Variants in ADGRL4 observed in about 807,000 individuals in gnomAD.
The protein encoded by ADGRL4 is adhesion G protein-coupled receptor L4.
A neutral mutation model predicts 74.8 loss-of-function variants in ADGRL4; 90 were observed. The observed-to-expected ratio is 1.20, with a 90% CI of 1.02 to 1.43. The LOEUF is 1.43. Among genes scored for constraint, ADGRL4 ranks in the 40% most tolerant of loss-of-function variants. The probability of loss-of-function intolerance (pLI) is 0.00; values close to 1 mark genes in which losing one functional copy is unlikely to be tolerated. For synonymous variants in ADGRL4, 311 were observed against 279.2 expected (o/e 1.11, Z -1.14); for missense variants, 881 against 814.3 (o/e 1.08, Z -1.00).
At chr1:78,985,966 A>C (rs949500751) in intron 2 of ADGRL4, among the ~76,000 whole-genome samples, 1 of 151,880 alleles carries the variant, frequency 6.6e-6, no homozygotes, top group Admixed American at 6.6e-5. Context: ...GTGGGAGCTA[A>C]ACATTGAGTA....
At chr1:78,916,683 G>T (rs1204902611) in intron 12 of ADGRL4, among the ~76,000 whole-genome samples, 1 of 151,732 alleles carries the variant, frequency 6.6e-6, no homozygotes, top group Non-Finnish European at 1.5e-5. Flanking sequence ...TCTCCATTTA[G>T]CAGTACCCTC....
chr1:78,984,703 A>G (rs974865318), intron 2 of ADGRL4, among the ~76,000 whole-genome samples: 1 of 151,280 alleles, frequency 6.6e-6, no homozygotes, highest in Non-Finnish European at 1.5e-5. Flanking sequence ...ACACACACAC[A>G]TATTCAATAA....
intron 2 of ADGRL4, among the ~76,000 whole-genome samples, chr1:78,995,168 G>T (rs1650689205): frequency 6.6e-6 from 1 of 152,082 alleles, no homozygotes; most frequent in South Asian, 2.1e-4. Context: ...AAAAATCATG[G>T]ATGTAACAGC....
chr1:79,003,521 G>A (rs1650885086), intron 2 of ADGRL4, among the ~76,000 whole-genome samples: 1 of 151,218 alleles, frequency 6.6e-6, no homozygotes, highest in Non-Finnish European at 1.5e-5. Flanking sequence ...TTTTTCCAAT[G>A]GAAAATATTT....
At chr1:78,901,713 A>G (rs1383435519) in intron 12 of ADGRL4, among the ~76,000 whole-genome samples, 6 of 152,316 alleles carry the variant, frequency 3.9e-5, no homozygotes, top group African/African-American at 1.4e-4. Flanking sequence ...TTGGTCACCT[A>G]TTGTCAGATT....
chr1:78,998,613 G>A (rs1650771251), intron 2 of ADGRL4, among the ~76,000 whole-genome samples: 1 of 152,056 alleles, frequency 6.6e-6, no homozygotes, highest in African/African-American at 2.4e-5. Context: ...TGACCCACCT[G>A]CCTCGGCTTA....
At chr1:79,004,554 G>A (rs940699767) in intron 2 of ADGRL4, among the ~76,000 whole-genome samples, 10 of 152,164 alleles carry the variant, frequency 6.6e-5, no homozygotes, top group South Asian at 6.2e-4. Flanking sequence ...AAAAGATGAC[G>A]TCTTTTCAAA....
intron 9 of ADGRL4, 28 bp from the exon 10 acceptor site, chr1:78,920,414 A>G (rs1252069964): frequency 1.4e-5 from 20 of 1,418,496 alleles, no homozygotes; most frequent in Admixed American, 3.7e-5. Context: ...TAAAGCAGTT[A>G]AAAGAATAAC....
chr1:78,948,592 G>T (rs1014843166), intron 2 of ADGRL4, among the ~76,000 whole-genome samples: 4 of 151,988 alleles, frequency 2.6e-5, no homozygotes, highest in African/African-American at 7.2e-5. Flanking sequence ...ATAAAATGCG[G>T]AAGAGTTAAT....
At position 79,005,823 on chromosome 1, in the gene ADGRL4, A is replaced by T. The variant is rs116742234; in HGVS notation, c.23-604T>A. Reference sequence around the variant, plus strand: ...TAATAAAATTTATTTCACTGTTTTTATTTTCCATTAGGGGAAATTTAAAAA... The same window carrying T: ...TAATAAAATTTATTTCACTGTTTTTTTTTTCCATTAGGGGAAATTTAAAAA... On this transcript the variant is annotated intron_variant, in intron 1 of 14. Coordinates refer to ENST00000370742, the MANE Select transcript of ADGRL4 (RefSeq NM_022159.4). Among the ~76,000 whole-genome samples, 1,423 of 152,256 alleles carry T rather than the reference A, an allele frequency of 9.3e-3. 25 individuals carry two copies. The highest frequency in any genetic ancestry group is 0.031 in the African/African-American group (1,285 of 41,526).
chr1:78,907,419 A>ACC (rs1358476249), intron 12 of ADGRL4, among the ~76,000 whole-genome samples: 2 of 151,976 alleles, frequency 1.3e-5, no homozygotes, highest in African/African-American at 2.4e-5. Context: ...CTACATGCTA[A>ACC]CCCCTAAAGA....
At chr1:78,909,272 C>T (rs760870604) in intron 12 of ADGRL4, among the ~76,000 whole-genome samples, 4 of 151,930 alleles carry the variant, frequency 2.6e-5, no homozygotes, top group Admixed American at 2.0e-4. Context: ...GTGCCCAAAC[C>T]ATGATTCTCA....
chr1:78,944,994 G>A (rs371144465), intron 3 of ADGRL4, among the ~76,000 whole-genome samples: 9 of 151,788 alleles, frequency 5.9e-5, no homozygotes, highest in African/African-American at 2.2e-4. Flanking sequence ...GTAAAACCCT[G>A]CCTCTACTAA....
chr1:78,999,827 TCTATCTATCTATCTAC>T (rs963827392), intron 2 of ADGRL4, among the ~76,000 whole-genome samples: 15 of 150,226 alleles, frequency 1.0e-4, no homozygotes, highest in African/African-American at 3.2e-4. Flanking sequence ...TATCTATCTA[TCTATCTATCTATCTAC>T]CTACCTACCT....
intron 12 of ADGRL4, among the ~76,000 whole-genome samples, chr1:78,899,258 A>G (rs560237624): frequency 9.1e-4 from 139 of 152,290 alleles, no homozygotes; most frequent in Non-Finnish European, 1.6e-3. Context: ...TTTGCTATGA[A>G]CAACAGATGG....
intron 2 of ADGRL4, among the ~76,000 whole-genome samples, chr1:79,003,484 C>T (rs186831526): frequency 3.3e-5 from 5 of 149,518 alleles, no homozygotes; most frequent in Admixed American, 2.0e-4. Flanking sequence ...AAAGAAACTG[C>T]AGGCCAAAAG....
chr1:78,918,074 A>C (rs765026903), intron 10 of ADGRL4, 24 bp from the exon 11 acceptor site: 64 of 1,556,950 alleles, frequency 4.1e-5, no homozygotes, highest in Non-Finnish European at 5.1e-5. Context: ...AAAAAAAAAA[A>C]AACATTGTCA....
intron 12 of ADGRL4, among the ~76,000 whole-genome samples, chr1:78,907,528 T>C (rs1040142214): frequency 1.3e-5 from 2 of 152,020 alleles, no homozygotes; most frequent in African/African-American, 4.8e-5. Context: ...CACTAACACA[T>C]GTGTAATTGT....
At chr1:78,921,171 C>T (rs149874956) in intron 9 of ADGRL4, among the ~76,000 whole-genome samples, 16 of 151,486 alleles carry the variant, frequency 1.1e-4, no homozygotes, top group Admixed American at 2.6e-4. Context: ...AATCTTGTGG[C>T]GTTCTACATT....
Sources: gnomAD v4.1 joint callset for allele counts (sites outside exome capture counted in the v4.1 genomes callset) on GRCh38, gnomAD v4.1.1 for gene constraint, MANE v1.5 for transcripts, NCBI Gene and HGNC (gene_info 2026-07-23, HGNC 2026-07-21) for gene names.